DENND1A: variants seen among roughly 807,000 people sequenced by gnomAD.
DENND1A encodes the protein DENN domain containing 1A.
DENND1A carries 51 observed loss-of-function variants against 113.7 expected under a neutral mutation model. That is an observed-to-expected ratio of 0.45 (90% CI 0.36 to 0.57). DENND1A has a LOEUF of 0.57. DENND1A is among the 20% of genes least tolerant of loss of function. The pLI is 0.00. For missense variants in DENND1A, 1,258 were observed against 1,395.9 expected, an observed-to-expected ratio of 0.90 and a Z score of 1.57; for synonymous variants, 565 against 570.8, an observed-to-expected ratio of 0.99 and a Z score of 0.14.
At chr9:123,643,727 G>A (rs2062151628) in intron 9 of DENND1A, among the ~76,000 whole-genome samples, 6 of 152,182 alleles carry the variant, frequency 3.9e-5, no homozygotes, top group Admixed American at 3.3e-4. Flanking sequence ...ATGGGCAGAC[G>A]GAATGGAATC....
intron 1 of DENND1A, among the ~76,000 whole-genome samples, chr9:123,918,202 G>A (rs1474600386): frequency 6.6e-6 from 1 of 150,482 alleles, no homozygotes; most frequent in Non-Finnish European, 1.5e-5. Flanking sequence ...AATTCCCACT[G>A]GACAGGCCGG....
intron 13 of DENND1A, among the ~76,000 whole-genome samples, chr9:123,478,635 G>A (rs1024211473): frequency 2.6e-5 from 4 of 152,228 alleles, no homozygotes; most frequent in Non-Finnish European, 5.9e-5. Flanking sequence ...ACTCAGAAAT[G>A]CAAGAAAAAT....
At chr9:123,407,018 A>G (rs939860730) in intron 20 of DENND1A, among the ~76,000 whole-genome samples, 2 of 152,172 alleles carry the variant, frequency 1.3e-5, no homozygotes, top group African/African-American at 4.8e-5. Flanking sequence ...AAAAAGAACA[A>G]CAGAGCTAAT....
At chr9:123,509,965 C>T (rs936197277) in intron 13 of DENND1A, among the ~76,000 whole-genome samples, 9 of 152,328 alleles carry the variant, frequency 5.9e-5, no homozygotes, top group African/African-American at 2.2e-4. Flanking sequence ...TGTAAGGTGT[C>T]GACAAGACAT....
At position 123,440,807 on chromosome 9, in the gene DENND1A, G is replaced by A. The variant is rs184237267; in HGVS notation, c.1357-316C>T. Among the ~76,000 whole-genome samples the A allele has an allele frequency of 8.9e-4, 136 of 152,280 alleles. 1 individual carries two copies. Among genetic ancestry groups the A allele is most frequent in the African/African-American group, 3.2e-3 (133 of 41,562 alleles). ...GTATTTACTTTGTCCACATGCAGAC[G>A]TTTAAAAATTACTTGCAATCACAGC... On this transcript the variant is annotated intron_variant, in intron 18 of 23. Transcript: ENST00000394215.
chr9:123,672,732 C>T (rs1321674690), intron 6 of DENND1A, among the ~76,000 whole-genome samples: 2 of 152,182 alleles, frequency 1.3e-5, no homozygotes, highest in Admixed American at 6.5e-5. Context: ...CAAGAAGGTC[C>T]TCACCAGATG....
chr9:123,798,469 AAAT>A (rs1834100953), intron 2 of DENND1A: 1 of 152,224 alleles, frequency 6.6e-6, no homozygotes, highest in Non-Finnish European at 1.5e-5. Context: ...GCTGTTGTAC[AAAT>A]AATGAGTCCA....
chr9:123,862,285 T>A (rs1361247656), intron 2 of DENND1A, among the ~76,000 whole-genome samples: 1 of 152,118 alleles, frequency 6.6e-6, no homozygotes, highest in Non-Finnish European at 1.5e-5. Flanking sequence ...AAGGTGAGGA[T>A]CTCACAGCTG....
At chr9:123,885,637 T>C (rs144959527) in intron 1 of DENND1A, among the ~76,000 whole-genome samples, 3 of 152,362 alleles carry the variant, frequency 2.0e-5, no homozygotes, top group South Asian at 4.1e-4. Context: ...TAAAACGTTT[T>C]TGAAAGAAGG....
chr9:123,767,805 A>C (rs1829064261), intron 4 of DENND1A, among the ~76,000 whole-genome samples: 2 of 152,198 alleles, frequency 1.3e-5, no homozygotes, highest in Non-Finnish European at 2.9e-5. Flanking sequence ...TAACAAAGTC[A>C]ATTAAGAAAC....
chr9:123,540,377 A>C (rs1008164281), intron 13 of DENND1A, among the ~76,000 whole-genome samples: 5 of 152,084 alleles, frequency 3.3e-5, no homozygotes, highest in Non-Finnish European at 5.9e-5. Flanking sequence ...GGTCTGGCTG[A>C]CTCCTGTTAA....
intron 1 of DENND1A, among the ~76,000 whole-genome samples, chr9:123,926,732 T>A (rs1468661581): frequency 6.6e-6 from 1 of 151,910 alleles, no homozygotes; most frequent in Admixed American, 6.6e-5. Flanking sequence ...TTAATATAGA[T>A]CCTAATGTAT....
intron 5 of DENND1A, among the ~76,000 whole-genome samples, chr9:123,722,553 C>T (rs911601880): frequency 6.6e-6 from 1 of 152,142 alleles, no homozygotes; most frequent in African/African-American, 2.4e-5. Flanking sequence ...TGGGCTGAGC[C>T]CTGGGTCCCT....
At chr9:123,596,612 C>G (rs1373078928) in intron 11 of DENND1A, among the ~76,000 whole-genome samples, 1 of 152,158 alleles carries the variant, frequency 6.6e-6, no homozygotes, top group African/African-American at 2.4e-5. Context: ...GCTGTGCAGC[C>G]TCCTCCACTT....
intron 2 of DENND1A, among the ~76,000 whole-genome samples, chr9:123,857,579 T>C (rs1844406567): frequency 6.6e-6 from 1 of 152,166 alleles, no homozygotes; most frequent in Admixed American, 6.5e-5. Context: ...CAAATCAAAA[T>C]TGTGTATTAT....
chr9:123,606,229 G>A (rs1486170363), intron 11 of DENND1A, among the ~76,000 whole-genome samples: 3 of 152,122 alleles, frequency 2.0e-5, no homozygotes, highest in East Asian at 1.9e-4. Flanking sequence ...AGTAGTTCAC[G>A]GCTGCCCTAC....
intron 1 of DENND1A, among the ~76,000 whole-genome samples, chr9:123,889,673 T>C (rs1271751932): frequency 2.0e-5 from 3 of 152,080 alleles, no homozygotes; most frequent in Non-Finnish European, 4.4e-5. Context: ...ATAAATGCAA[T>C]GTATAAAAAT....
At chr9:123,873,629 A>C (rs1846990189) in intron 2 of DENND1A, among the ~76,000 whole-genome samples, 1 of 152,236 alleles carries the variant, frequency 6.6e-6, no homozygotes, top group South Asian at 2.1e-4. Context: ...CCCAATTTTT[A>C]AAAATCACCG....
At chr9:123,725,749 T>C (rs984369828) in intron 5 of DENND1A, among the ~76,000 whole-genome samples, 6 of 152,218 alleles carry the variant, frequency 3.9e-5, no homozygotes, top group African/African-American at 1.4e-4. Flanking sequence ...AATCGATGGG[T>C]TCCTTTGTAA....
Sources: gnomAD v4.1 joint callset for allele counts (sites outside exome capture counted in the v4.1 genomes callset) on GRCh38, gnomAD v4.1.1 for gene constraint, MANE v1.5 for transcripts, NCBI Gene and HGNC (gene_info 2026-07-23, HGNC 2026-07-21) for gene names.